The following SVEP1 variants were observed in gnomAD, a reference collection of about 807,000 sequenced individuals.
SVEP1 encodes sushi, von Willebrand factor type A, EGF and pentraxin domain containing 1, also known as sushi, von Willebrand factor type A, EGF and pentraxin domain-containing protein 1.
SVEP1 carries 164 observed loss-of-function variants against 367.3 expected under a neutral mutation model. The ratio of observed to expected loss-of-function variants is 0.45; its 90% CI spans 0.39 to 0.51. The LOEUF (loss-of-function observed/expected upper bound fraction) is 0.51, where lower values mean the gene tolerates loss of function less well. Among genes scored for constraint, SVEP1 ranks in the 20% least tolerant of loss-of-function variants. The pLI is 0.00. For synonymous variants in SVEP1, 1,666 were observed against 1,611.6 expected (o/e 1.03, Z -0.81); for missense variants, 4,117 against 4,425.3 (o/e 0.93, Z 1.98).
chr9:110,507,264 G>A (rs898023151), intron 5 of SVEP1, among the ~76,000 whole-genome samples: 2 of 152,152 alleles, frequency 1.3e-5, no homozygotes, highest in Non-Finnish European at 2.9e-5. Context: ...CTCCGGGTGG[G>A]ATATATTTTT....
At chr9:110,399,044 A>T (rs1827815217) in intron 40 of SVEP1, among the ~76,000 whole-genome samples, 1 of 152,174 alleles carries the variant, frequency 6.6e-6, no homozygotes, top group Non-Finnish European at 1.5e-5. Flanking sequence ...ACACATGCAC[A>T]TGTATGTTTA....
At chr9:110,487,179 C>T (rs926089984) in intron 9 of SVEP1, among the ~76,000 whole-genome samples, 1 of 152,134 alleles carries the variant, frequency 6.6e-6, no homozygotes, top group Admixed American at 6.5e-5. Context: ...TGGTCTGGAA[C>T]TCTCCACCTC....
intron 9 of SVEP1, among the ~76,000 whole-genome samples, chr9:110,489,426 G>C (rs180900126): frequency 2.0e-5 from 3 of 152,170 alleles, no homozygotes; most frequent in Non-Finnish European, 4.4e-5. Context: ...GCAAAGCCAC[G>C]TCTTACATGG....
intron 1 of SVEP1, among the ~76,000 whole-genome samples, chr9:110,578,177 C>T (rs762162623): frequency 5.3e-5 from 8 of 152,032 alleles, no homozygotes; most frequent in South Asian, 2.1e-4. Flanking sequence ...CCTAAGTGTC[C>T]AACAATAAGT....
At chr9:110,513,792 T>A (rs1023458775) in intron 4 of SVEP1, among the ~76,000 whole-genome samples, 156 bp downstream of exon 4, 2 of 152,144 alleles carry the variant, frequency 1.3e-5, no homozygotes, top group African/African-American at 2.4e-5. Context: ...GTGATAAGAA[T>A]GTTATAAAAG....
intron 1 of SVEP1, among the ~76,000 whole-genome samples, chr9:110,561,973 C>A (rs1830437101): frequency 6.6e-6 from 1 of 152,062 alleles, no homozygotes; most frequent in South Asian, 2.1e-4. Context: ...CAAAGAAGAA[C>A]TAAGTCTCAA....
chr9:110,469,404 G>A (rs994178652), intron 16 of SVEP1, among the ~76,000 whole-genome samples: 5 of 152,112 alleles, frequency 3.3e-5, no homozygotes, highest in African/African-American at 4.8e-5. Context: ...ATCATCACGG[G>A]AAAGACAGTT....
intron 11 of SVEP1, 107 bp downstream of exon 11, chr9:110,482,254 G>C: frequency 8.0e-7 from 1 of 1,253,298 alleles, no homozygotes; most frequent in South Asian, 2.2e-5. Flanking sequence ...TCTTCTAACT[G>C]TAAAAATCTA....
intron 16 of SVEP1, among the ~76,000 whole-genome samples, chr9:110,470,523 C>A (rs75349704): frequency 0.027 from 4,112 of 151,990 alleles, 173 homozygotes; most frequent in African/African-American, 0.094. Flanking sequence ...GCCTTGACTT[C>A]TGGGGCTCAA....
chr9:110,483,851 A>G (rs1285279487), intron 9 of SVEP1, among the ~76,000 whole-genome samples, 158 bp from the exon 10 acceptor site: 1 of 152,156 alleles, frequency 6.6e-6, no homozygotes. Context: ...CTTTTCCCTG[A>G]TCCCCAACAC....
At chr9:110,468,918 G>A in intron 17 of SVEP1, 22 bp downstream of exon 17, 1 of 1,515,744 alleles carries the variant, frequency 6.6e-7, no homozygotes, top group Non-Finnish European at 8.9e-7. Context: ...GCTTCTAGTT[G>A]AAATGTCCAG....
intron 39 of SVEP1, 88 bp downstream of exon 39, chr9:110,404,238 TC>T: frequency 7.8e-7 from 1 of 1,275,644 alleles, no homozygotes; most frequent in Non-Finnish European, 1.1e-6. Context: ...GACTTTTTTT[TC>T]TTTTTGGGAT....
intron 46 of SVEP1, 53 bp from the exon 47 acceptor site, chr9:110,370,069 A>T (rs1327256107): frequency 6.6e-7 from 1 of 1,520,852 alleles, no homozygotes; most frequent in Admixed American, 1.8e-5. Context: ...AATTCTGATG[A>T]TATCCATAAA....
In SVEP1 at chr9:110,365,814, C is replaced by A. The variant is rs992884454; in HGVS notation, c.*725G>T. The A allele has an allele frequency of 6.6e-6, 1 of 152,170 alleles. No individual in the cohort carries two copies. Among genetic ancestry groups the A allele is most frequent in the African/African-American group, 2.4e-5 (1 of 41,406 alleles). 9.4% of individuals were successfully genotyped at this position (152,170 alleles called of 1,614,324 possible). A position where few individuals can be genotyped will look rare whatever the true frequency, so the allele number is the denominator to read the frequency against. ...CAGTTCTTGCATTTCTTATTCCAGCCACGAGAAAGAAGGCTAGCACTTTCA... is the reference window on the plus strand; with the variant it reads ...CAGTTCTTGCATTTCTTATTCCAGCAACGAGAAAGAAGGCTAGCACTTTCA... On this transcript the variant is annotated 3_prime_UTR_variant, in exon 48 of 48. Coordinates refer to ENST00000374469, the MANE Select transcript of SVEP1 (RefSeq NM_153366.4).
At chr9:110,479,598 T>C (rs1233866555) in intron 13 of SVEP1, 37 bp downstream of exon 13, 3 of 1,563,390 alleles carry the variant, frequency 1.9e-6, no homozygotes, top group Non-Finnish European at 2.6e-6. Context: ...GAAAGCCTTA[T>C]AAAAGAACAC....
In SVEP1 at chr9:110,579,610, G is replaced by T. The variant is rs894769524; in HGVS notation, c.-67C>A. On this transcript the variant is annotated 5_prime_UTR_variant, in exon 1 of 48. Transcript: ENST00000374469. The surrounding 1 kb of genome is among the most constrained non-coding windows in gnomAD (Gnocchi z 5.3). Reference sequence around the variant, plus strand: ...GCTCGGGCGGGAAGAGGCGCTGGGCGGCCGGACTCGCAGAGGGGCGTGCGC... The same window carrying T: ...GCTCGGGCGGGAAGAGGCGCTGGGCTGCCGGACTCGCAGAGGGGCGTGCGC... 134 of 1,460,502 alleles carry T rather than the reference G, an allele frequency of 9.2e-5. 1 individual carries two copies. Among genetic ancestry groups the T allele is most frequent in the Middle Eastern group, 6.7e-4 (3 of 4,490 alleles). 90.5% of individuals were successfully genotyped at this position (1,460,502 alleles called of 1,614,324 possible).
chr9:110,442,142 T>C (rs1169624764), intron 27 of SVEP1, among the ~76,000 whole-genome samples: 3 of 152,208 alleles, frequency 2.0e-5, no homozygotes, highest in Non-Finnish European at 2.9e-5. Context: ...CTACATCAGC[T>C]CCTTGGGTAC....
At chr9:110,399,171 AATG>A (rs1176958793) in intron 40 of SVEP1, among the ~76,000 whole-genome samples, 4 of 152,286 alleles carry the variant, frequency 2.6e-5, no homozygotes, top group Non-Finnish European at 4.4e-5. Flanking sequence ...AGCCATGAAA[AATG>A]ATGAGTTCAT....
chr9:110,435,396 T>A, intron 28 of SVEP1, 32 bp from the exon 29 acceptor site: 8 of 1,607,348 alleles, frequency 5.0e-6, no homozygotes, highest in Non-Finnish European at 5.9e-6. Flanking sequence ...AGATAAGCCT[T>A]ACTTGTTCCA....
Sources: allele counts gnomAD v4.1 joint callset (sites outside exome capture counted in the v4.1 genomes callset), GRCh38; gene constraint gnomAD v4.1.1; non-coding constraint Gnocchi (gnomAD v3.1); transcripts MANE v1.5; gene names NCBI Gene and HGNC (gene_info 2026-07-23, HGNC 2026-07-21).